The following GLI2 variants were observed in gnomAD, a reference collection of about 807,000 sequenced individuals.
GLI2 encodes the protein transcription activator GLI2.
A neutral mutation model predicts 78.9 loss-of-function variants in GLI2; 22 were observed. The ratio of observed to expected loss-of-function variants is 0.28; its 90% CI spans 0.20 to 0.40. GLI2 has a LOEUF of 0.40. Ranked by LOEUF, GLI2 falls within the 10% of genes least tolerant of loss-of-function variation. The pLI is 1.00. For missense variants in GLI2, 2,097 were observed against 2,213.2 expected (o/e 0.95, Z 1.05); for synonymous variants, 974 against 963.7 (o/e 1.01, Z -0.20).
intron 2 of GLI2, among the ~76,000 whole-genome samples, chr2:120,815,489 T>C (rs1367176844): frequency 6.6e-6 from 1 of 152,226 alleles, no homozygotes; most frequent in Non-Finnish European, 1.5e-5. Flanking sequence ...ATAGAGGGAC[T>C]GTGCTGCCGT....
rs773572118 is a variant in GLI2 at position 120,982,868 on chromosome 2, C to T, written c.1620C>T (p.Thr540=). The T allele has an allele frequency of 5.6e-6, 9 of 1,613,844 alleles. No individual in the cohort carries two copies. The highest frequency in any genetic ancestry group is 7.6e-6 in the Non-Finnish European group (9 of 1,179,932). The part of the protein sequence containing the change: ...ASDRAKHQNR[T]HSNEKPYICK... ...ACCGCGCCAAGCACCAGAATCGCACCCACTCCAACGAGGTACCTCTGCGGG... is the reference window on the plus strand; with the variant it reads ...ACCGCGCCAAGCACCAGAATCGCACTCACTCCAACGAGGTACCTCTGCGGG... Residue 540 remains threonine, a synonymous_variant, in exon 11 of 14, where the codon ACC becomes ACT. Coordinates refer to ENST00000361492, the MANE Select transcript of GLI2 (RefSeq NM_001374353.1).
intron 2 of GLI2, among the ~76,000 whole-genome samples, chr2:120,832,212 C>G (rs1230177915): frequency 6.6e-6 from 1 of 152,214 alleles, no homozygotes; most frequent in Admixed American, 6.5e-5. Context: ...TTGAATTTGC[C>G]CCCTGGCTGC....
chr2:120,909,446 A>G (rs1232985413), intron 2 of GLI2, among the ~76,000 whole-genome samples: 3 of 152,178 alleles, frequency 2.0e-5, no homozygotes, highest in African/African-American at 7.2e-5. Context: ...ACAAAGTGCC[A>G]TCCAGAAGGA....
chr2:120,858,519 C>G (rs1687763622), intron 2 of GLI2, among the ~76,000 whole-genome samples: 1 of 152,210 alleles, frequency 6.6e-6, no homozygotes, highest in Admixed American at 6.5e-5. Flanking sequence ...CTTGTCCTGT[C>G]TCATCCTCTT....
At chr2:120,749,999 G>A (rs1016274433) in intron 1 of GLI2, among the ~76,000 whole-genome samples, 8 of 152,326 alleles carry the variant, frequency 5.3e-5, no homozygotes, top group Non-Finnish European at 8.8e-5. Context: ...GAACATCAAC[G>A]TCACAGCTCC....
intron 2 of GLI2, among the ~76,000 whole-genome samples, chr2:120,919,939 T>C (rs1679287729): frequency 6.6e-6 from 1 of 152,262 alleles, no homozygotes; most frequent in South Asian, 2.1e-4. Flanking sequence ...GTGTTTGCGC[T>C]GCCTCGTCGT....
At position 120,821,410 on chromosome 2, in the gene GLI2, G is replaced by A. The variant is rs77941803; in HGVS notation, c.148+23942G>A. The stretch of plus-strand genomic sequence containing the variant: ...CTACTGTGAAAGAAATAGCAGATCC[G>A]GCGGACATTTATGGGCGACAGAGAA... On this transcript the variant is annotated intron_variant, in intron 2 of 13. Coordinates refer to ENST00000361492, the MANE Select transcript of GLI2 (RefSeq NM_001374353.1). Among the ~76,000 whole-genome samples, 377 of 152,300 alleles carry A rather than the reference G, an allele frequency of 2.5e-3. 3 individuals are homozygous for A. The highest frequency in any genetic ancestry group is 8.3e-3 in the African/African-American group (345 of 41,556).
intron 1 of GLI2, among the ~76,000 whole-genome samples, chr2:120,736,852 C>G (rs1291186233): frequency 2.0e-5 from 3 of 151,060 alleles, no homozygotes; most frequent in Admixed American, 2.0e-4. Context: ...GCCCCCTCCC[C>G]CTCTGCTGGG....
chr2:120,955,117 G>A (rs1259534821), intron 4 of GLI2, 128 bp from the exon 5 acceptor site: 4 of 709,574 alleles, frequency 5.6e-6, no homozygotes, highest in South Asian at 1.6e-5. Context: ...ATGCCGAGGA[G>A]AGAAACCCCG....
chr2:120,863,916 C>CGTCTGCTGT (rs987614938), intron 2 of GLI2, among the ~76,000 whole-genome samples: 2 of 152,080 alleles, frequency 1.3e-5, no homozygotes, highest in African/African-American at 2.4e-5. Context: ...GAGAGGGTGG[C>CGTCTGCTGT]GTCTGCTGTG....
intron 1 of GLI2, among the ~76,000 whole-genome samples, chr2:120,736,832 C>T (rs894971798): frequency 6.6e-6 from 1 of 151,486 alleles, no homozygotes; most frequent in African/African-American, 2.4e-5. Flanking sequence ...CCCCCTCGCC[C>T]GGCCCGGCCG....
rs193062450 is a variant in GLI2 at position 120,955,282 on chromosome 2, C to T, written c.495C>T (p.Gly165=). ...ACCTTAAGGAGAGGGGACTGTTTGGCCTTCCTGCTCCAGGCACCACCCCCT... is the reference window on the plus strand; with the variant it reads ...ACCTTAAGGAGAGGGGACTGTTTGGTCTTCCTGCTCCAGGCACCACCCCCT... The part of the protein sequence containing the change: ...QEHLKERGLF[G]LPAPGTTPSD... The change falls in exon 5 of 14, where the codon GGC becomes GGT. Residue 165 remains glycine, a synonymous_variant. Coordinates refer to ENST00000361492, the MANE Select transcript of GLI2 (RefSeq NM_001374353.1). 8.8e-5 allele frequency: 141 copies of T among 1,610,698 alleles called. No homozygotes were observed. The highest frequency in any genetic ancestry group is 4.3e-4 in the South Asian group (39 of 91,018).
At chr2:120,852,208 T>C (rs983682439) in intron 2 of GLI2, among the ~76,000 whole-genome samples, 1 of 152,044 alleles carries the variant, frequency 6.6e-6, no homozygotes, top group Non-Finnish European at 1.5e-5. Flanking sequence ...TTTCAGGAGT[T>C]GGAGAGAGGA....
chr2:120,872,695 A>G (rs10194730), intron 2 of GLI2, among the ~76,000 whole-genome samples: 3,018 of 152,300 alleles, frequency 0.02, 113 homozygotes, highest in African/African-American at 0.068. Flanking sequence ...GTGATTGCGG[A>G]CAAGATGCTC....
chr2:120,816,655 A>G (rs897132139), intron 2 of GLI2, among the ~76,000 whole-genome samples: 5 of 152,162 alleles, frequency 3.3e-5, no homozygotes, highest in East Asian at 1.9e-4. Flanking sequence ...AAATTAAAAA[A>G]AAAAGTAAGA....
Position 120,736,005 on chromosome 2 carries a change from G to A in GLI2, c.-311G>A, listed in dbSNP as rs902913631. On this transcript the variant is annotated 5_prime_UTR_variant, in exon 1 of 14. Transcript: ENST00000361492. ...GCTGCGACTGCGAACGCGGAGGAAG[G>A]CCAGGAGCCGCAGGAGGAGCCGGAG... 6.6e-6 allele frequency among the ~76,000 whole-genome samples: 1 copy of A among 152,046 alleles called. No homozygotes were observed. The highest frequency in any genetic ancestry group is 3.4e-3 in the Middle Eastern group (1 of 292).
chr2:120,968,769 G>A lies in GLI2; in HGVS notation c.699G>A (p.Leu233=). The A allele has an allele frequency of 6.2e-7, 1 of 1,613,702 alleles. No individual in the cohort carries two copies. Among genetic ancestry groups the A allele is most frequent in the South Asian group, 1.1e-5 (1 of 91,066 alleles). Residue 233 remains leucine, a synonymous_variant, in exon 6 of 14, where the codon CTG becomes CTA. Transcript: ENST00000361492. ...CCCGCCTGAGCCGCAAGCGGGCGCT[G>A]TCCATCTCCCCACTCTCAGACGCCA... ...VTPRLSRKRA[L]SISPLSDASL... is the part of the protein sequence containing the mutation.
intron 3 of GLI2, among the ~76,000 whole-genome samples, chr2:120,934,305 T>C (rs983547493): frequency 5.9e-5 from 9 of 152,324 alleles, no homozygotes; most frequent in Admixed American, 5.2e-4. Context: ...CTAAACCTAT[T>C]CATATTCTCA....
intron 2 of GLI2, among the ~76,000 whole-genome samples, chr2:120,920,677 C>T (rs1430935608): frequency 6.6e-6 from 1 of 151,416 alleles, no homozygotes; most frequent in East Asian, 2.0e-4. Context: ...GCTTCTCAGG[C>T]TGTTGGGCTT....
Sources: allele counts gnomAD v4.1 joint callset (sites outside exome capture counted in the v4.1 genomes callset), GRCh38; gene constraint gnomAD v4.1.1; transcripts MANE v1.5; gene names NCBI Gene and HGNC (gene_info 2026-07-23, HGNC 2026-07-21).